Variants in CADM1 observed in about 807,000 individuals in gnomAD.
The protein encoded by CADM1 is TSLC-1.
Under a neutral mutation model 53.1 loss-of-function variants are expected in CADM1, and 15 were observed. The observed-to-expected ratio is 0.28, with a 90% CI of 0.19 to 0.44. The LOEUF is 0.44. Among genes scored for constraint, CADM1 ranks in the 20% least tolerant of loss-of-function variants. The pLI is 1.00. For synonymous variants in CADM1, 281 were observed against 243.0 expected (o/e 1.16, Z -1.45); for missense variants, 434 against 611.3 (o/e 0.71, Z 3.06).
chr11:115,193,491 T>C (rs985160801), intron 9 of CADM1, among the ~76,000 whole-genome samples: 1 of 152,244 alleles, frequency 6.6e-6, no homozygotes, highest in African/African-American at 2.4e-5. Context: ...CAATGTGCTA[T>C]AACATACCCT....
Position 115,169,677 on chromosome 11 carries a change from T to A in CADM1, c.*6797A>T. On this transcript the variant is annotated 3_prime_UTR_variant, in exon 12 of 12. Transcript: ENST00000331581. ...GAGAGAGAGATGGATAGTAATTTCG[T>A]CACTAGCTAACAGAGACTGATTAGT... 3 of 455,612 alleles carry A rather than the reference T, an allele frequency of 6.6e-6. No individual in the cohort carries two copies. In the Admixed American group the frequency reaches 7.1e-5, roughly 11 times the overall value. The allele number at this position is 455,612 out of a possible 1,614,324, so 28.2% of individuals were successfully genotyped here. A position where few individuals can be genotyped will look rare whatever the true frequency, so the allele number is the denominator to read the frequency against.
intron 1 of CADM1, among the ~76,000 whole-genome samples, chr11:115,450,745 G>A (rs2135347907): frequency 6.6e-6 from 1 of 152,296 alleles, no homozygotes; most frequent in East Asian, 1.9e-4. Context: ...TTGCCAGTGA[G>A]TATTAACAGG....
At chr11:115,323,777 A>C (rs1418746667) in intron 1 of CADM1, among the ~76,000 whole-genome samples, 2 of 152,126 alleles carry the variant, frequency 1.3e-5, no homozygotes, top group African/African-American at 2.4e-5. Context: ...CGCTTGCCCA[A>C]AGGAAGAGGG....
At chr11:115,385,124 T>C (rs10488708) in intron 1 of CADM1, among the ~76,000 whole-genome samples, 4,722 of 151,784 alleles carry the variant, frequency 0.031, 215 homozygotes, top group East Asian at 0.13. Flanking sequence ...CATACTCATT[T>C]TAGTTTTTAC....
At chr11:115,264,976 C>T (rs1943092874) in intron 1 of CADM1, among the ~76,000 whole-genome samples, 1 of 152,112 alleles carries the variant, frequency 6.6e-6, no homozygotes, top group Admixed American at 6.6e-5. Flanking sequence ...AGTATTTCTC[C>T]ATCTCTTTGG....
At chr11:115,465,075 C>G (rs572655493) in intron 1 of CADM1, among the ~76,000 whole-genome samples, 1 of 152,302 alleles carries the variant, frequency 6.6e-6, no homozygotes, top group Admixed American at 6.5e-5. Context: ...AATGAGGAAG[C>G]TGAAAAGAAC....
At chr11:115,206,935 T>C (rs1940729383) in intron 8 of CADM1, among the ~76,000 whole-genome samples, 1 of 151,892 alleles carries the variant, frequency 6.6e-6, no homozygotes, top group South Asian at 2.1e-4. Context: ...GACTGGAAGA[T>C]TTTTTAGGAA....
chr11:115,483,012 T>C (rs1949292016), intron 1 of CADM1, among the ~76,000 whole-genome samples: 1 of 152,192 alleles, frequency 6.6e-6, no homozygotes, highest in Non-Finnish European at 1.5e-5. Flanking sequence ...TCCCTCTCCT[T>C]CTCTATCATC....
At chr11:115,233,525 A>C (rs1941900189) in intron 3 of CADM1, among the ~76,000 whole-genome samples, 1 of 152,200 alleles carries the variant, frequency 6.6e-6, no homozygotes, top group Non-Finnish European at 1.5e-5. Context: ...CTAGATGTTT[A>C]GGACTAATAA....
Position 115,425,788 on chromosome 11 carries a change from A to G in CADM1, c.124+78483T>C, listed in dbSNP as rs59403293. On this transcript the variant is annotated intron_variant, in intron 1 of 11. Coordinates refer to ENST00000331581, the MANE Select transcript of CADM1 (RefSeq NM_001301043.2). ...ATAGAAAGACAAAGTAAACCCTCTCAAAAGATGTCCACACTATGCCCTCTT... is the reference window on the plus strand; with the variant it reads ...ATAGAAAGACAAAGTAAACCCTCTCGAAAGATGTCCACACTATGCCCTCTT... Among the ~76,000 whole-genome samples, 341 of 152,330 alleles carry G rather than the reference A, an allele frequency of 2.2e-3. 5 individuals are homozygous for G. The highest frequency in any genetic ancestry group is 7.8e-3 in the African/African-American group (325 of 41,582).
intron 1 of CADM1, among the ~76,000 whole-genome samples, chr11:115,270,454 C>G (rs1943266321): frequency 6.6e-6 from 1 of 152,156 alleles, no homozygotes; most frequent in Non-Finnish European, 1.5e-5. Context: ...CCCATAACTT[C>G]TGGGCACCCC....
chr11:115,368,346 C>G lies in CADM1; in HGVS notation c.125-127926G>C, dbSNP rs185194966. Among the ~76,000 whole-genome samples, 588 of 151,926 alleles carry G rather than the reference C, an allele frequency of 3.9e-3. 3 individuals are homozygous for G. Among genetic ancestry groups the G allele is most frequent in the Middle Eastern group, 6.8e-3 (2 of 294 alleles). On this transcript the variant is annotated intron_variant, in intron 1 of 11. Coordinates refer to ENST00000331581, the MANE Select transcript of CADM1 (RefSeq NM_001301043.2). ...TAAAAAGGGTTGTTTACAATAATGC[C>G]CAACACTTGTCGTTGTGAGGTCATG...
At chr11:115,309,899 A>G (rs930479763) in intron 1 of CADM1, among the ~76,000 whole-genome samples, 3 of 152,310 alleles carry the variant, frequency 2.0e-5, no homozygotes, top group Admixed American at 2.0e-4. Context: ...CCCTAGCCTC[A>G]TGCTTAGAAA....
intron 1 of CADM1, among the ~76,000 whole-genome samples, chr11:115,351,574 C>T (rs1267070443): frequency 6.6e-6 from 1 of 152,140 alleles, no homozygotes; most frequent in East Asian, 1.9e-4. Flanking sequence ...CCCTATAAGA[C>T]CTAGAGAAAA....
At chr11:115,180,623 A>G (rs1252497883) in intron 10 of CADM1, among the ~76,000 whole-genome samples, 3 of 151,556 alleles carry the variant, frequency 2.0e-5, no homozygotes, top group Non-Finnish European at 4.4e-5. Context: ...AACTCGGTCA[A>G]GGGATTTTTT....
chr11:115,438,967 G>A (rs1186901454), intron 1 of CADM1, among the ~76,000 whole-genome samples: 2 of 152,148 alleles, frequency 1.3e-5, no homozygotes, highest in African/African-American at 2.4e-5. Flanking sequence ...TTGATTTGTT[G>A]CATATGTGGT....
intron 1 of CADM1, among the ~76,000 whole-genome samples, chr11:115,411,870 G>A (rs965367326): frequency 6.6e-6 from 1 of 152,078 alleles, no homozygotes; most frequent in Non-Finnish European, 1.5e-5. Flanking sequence ...TAAAACACAG[G>A]AAAGGCTTTG....
chr11:115,479,720 G>T (rs1949217017), intron 1 of CADM1, among the ~76,000 whole-genome samples: 1 of 152,116 alleles, frequency 6.6e-6, no homozygotes, highest in Non-Finnish European at 1.5e-5. Flanking sequence ...TATAAACAGT[G>T]ATAATTAATT....
chr11:115,212,163 T>C (rs1343328559), intron 7 of CADM1, among the ~76,000 whole-genome samples: 2 of 151,244 alleles, frequency 1.3e-5, no homozygotes, highest in Non-Finnish European at 1.5e-5. Context: ...GTGCTTGACA[T>C]GTAGAGGCTA....
Sources: allele counts gnomAD v4.1 joint callset (sites outside exome capture counted in the v4.1 genomes callset), GRCh38; gene constraint gnomAD v4.1.1; transcripts MANE v1.5; gene names NCBI Gene and HGNC (gene_info 2026-07-23, HGNC 2026-07-21).